Variants in CDC73 observed in about 807,000 individuals in gnomAD.
CDC73 encodes the protein cell division cycle 73.
CDC73 carries 21 observed loss-of-function variants against 83.7 expected under a neutral mutation model. The ratio of observed to expected loss-of-function variants is 0.25; its 90% confidence interval spans 0.18 to 0.36. CDC73 has a LOEUF of 0.36. CDC73 is among the 10% of genes least tolerant of loss of function. CDC73 has a pLI of 1.00. For missense variants in CDC73, 342 were observed against 653.3 expected (o/e 0.52, Z 5.19); for synonymous variants, 224 against 212.9 (o/e 1.05, Z -0.45).
At chr1:193,155,726 A>G (rs1459167815) in intron 10 of CDC73, among the ~76,000 whole-genome samples, 2 of 152,274 alleles carry the variant, frequency 1.3e-5, no homozygotes, top group African/African-American at 4.8e-5. Context: ...GCAGTGAGCC[A>G]GGATTATGCC....
chr1:193,131,306 C>G (rs1004555459), intron 3 of CDC73, among the ~76,000 whole-genome samples: 1 of 152,190 alleles, frequency 6.6e-6, no homozygotes, highest in African/African-American at 2.4e-5. Context: ...TAGGCCAGAA[C>G]TTTGGTGACA....
Position 193,122,142 on chromosome 1 carries a change from G to C in CDC73, c.-59G>C. 1 of 1,556,414 alleles carries C rather than the reference G, an allele frequency of 6.4e-7. No individual in the cohort carries two copies. The highest frequency in any genetic ancestry group is 1.1e-5 in the South Asian group (1 of 89,872). ...AGAGGGCGAGGCGACAAGAGAAGAA[G>C]GAGGCAGGCGCGGCGGCAGCGGCGG... On this transcript the variant is annotated 5_prime_UTR_variant, in exon 1 of 17. Coordinates refer to ENST00000367435, the MANE Select transcript of CDC73 (RefSeq NM_024529.5).
intron 6 of CDC73, among the ~76,000 whole-genome samples, chr1:193,138,680 T>TAA (rs1246638428): frequency 6.6e-6 from 1 of 152,088 alleles, no homozygotes; most frequent in Admixed American, 6.6e-5. Flanking sequence ...ACAGCTCACT[T>TAA]ACATTCTTTT....
At chr1:193,224,172 T>A (rs1677520532) in intron 13 of CDC73, among the ~76,000 whole-genome samples, 1 of 152,110 alleles carries the variant, frequency 6.6e-6, no homozygotes, top group Non-Finnish European at 1.5e-5. Context: ...TGGTCTCTGA[T>A]AACTACCAGA....
At chr1:193,232,238 TAAA>T (rs565086312) in intron 13 of CDC73, among the ~76,000 whole-genome samples, 1 of 145,652 alleles carries the variant, frequency 6.9e-6, no homozygotes, top group African/African-American at 2.5e-5. Flanking sequence ...CATAAAATCT[TAAA>T]AAAAAAAAAG....
chr1:193,131,632 A>G (rs189451933), intron 3 of CDC73, among the ~76,000 whole-genome samples: 1 of 152,154 alleles, frequency 6.6e-6, no homozygotes, highest in African/African-American at 2.4e-5. Context: ...ATCTTCTACC[A>G]TTCTTCCTTT....
chr1:193,137,045 A>G (rs976792867), intron 5 of CDC73, among the ~76,000 whole-genome samples: 61 of 152,172 alleles, frequency 4.0e-4, no homozygotes, highest in African/African-American at 1.2e-3. Context: ...GGTTTTCAAC[A>G]TTGGTTTTCA....
chr1:193,162,835 A>T (rs778657241), intron 10 of CDC73, among the ~76,000 whole-genome samples: 1 of 152,128 alleles, frequency 6.6e-6, no homozygotes, highest in Non-Finnish European at 1.5e-5. Context: ...TTTCTGTCTT[A>T]TGTGTGGTGC....
At chr1:193,198,926 G>A (rs547070603) in intron 10 of CDC73, among the ~76,000 whole-genome samples, 1 of 152,302 alleles carries the variant, frequency 6.6e-6, no homozygotes, top group East Asian at 1.9e-4. Flanking sequence ...TTTAGAGGTT[G>A]GGTGATGAGA....
chr1:193,145,073 C>T (rs1323885162), intron 7 of CDC73, among the ~76,000 whole-genome samples: 3 of 152,084 alleles, frequency 2.0e-5, no homozygotes, highest in Non-Finnish European at 4.4e-5. Flanking sequence ...TTTGTTGATA[C>T]TGTATAATTA....
At chr1:193,225,231 G>C (rs943837903) in intron 13 of CDC73, among the ~76,000 whole-genome samples, 2 of 137,516 alleles carry the variant, frequency 1.5e-5, no homozygotes, top group African/African-American at 5.4e-5. Flanking sequence ...TTTTATGGCT[G>C]AGTAGTATTC....
intron 11 of CDC73, among the ~76,000 whole-genome samples, chr1:193,210,031 C>T (rs964917019): frequency 2.6e-5 from 4 of 152,040 alleles, no homozygotes; most frequent in African/African-American, 9.7e-5. Flanking sequence ...CCACATGACA[C>T]TATGTAGCCA....
In CDC73 at chr1:193,192,759, G is replaced by A. The variant is rs61693513; in HGVS notation, c.973-11036G>A. ...CACGTGCCAACTAACTGGCCTTGCC[G>A]GCATTTATTCAGCACAGATTTAATG... On this transcript the variant is annotated intron_variant, in intron 10 of 16. Transcript: ENST00000367435. Among the ~76,000 whole-genome samples the A allele has an allele frequency of 3.7e-3, 569 of 152,310 alleles. 3 individuals are homozygous for A. The highest frequency in any genetic ancestry group is 0.011 in the African/African-American group (458 of 41,564).
At chr1:193,130,117 A>G (rs924888866) in intron 2 of CDC73, 57 bp from the exon 3 acceptor site, 2 of 813,548 alleles carry the variant, frequency 2.5e-6, no homozygotes, top group Non-Finnish European at 4.4e-6. Flanking sequence ...GTTAATATTT[A>G]TTAAGTTGTG....
chr1:193,164,672 C>A (rs1676404464), intron 10 of CDC73, among the ~76,000 whole-genome samples: 1 of 151,976 alleles, frequency 6.6e-6, no homozygotes, highest in South Asian at 2.1e-4. Context: ...GTTGCAAGTC[C>A]AGGGTACCTT....
At chr1:193,245,979 A>AT (rs1677946908) in intron 15 of CDC73, among the ~76,000 whole-genome samples, 1 of 151,840 alleles carries the variant, frequency 6.6e-6, no homozygotes. Context: ...ATAAAATCTG[A>AT]TTTTTTATGC....
rs540086158 is a variant in CDC73, at chr1:193,250,850, G to A, written c.*138G>A. On this transcript the variant is annotated 3_prime_UTR_variant, in exon 17 of 17. Transcript: ENST00000367435. ...TTTGTGCTTCAAGGAGATGATACCT[G>A]TCATCCATATAAGCAAACTTTTTGG... 3.9e-6 allele frequency: 3 copies of A among 771,526 alleles called. No individual in the cohort carries two copies. Among genetic ancestry groups the A allele is most frequent in the Non-Finnish European group, 6.6e-6 (3 of 451,600 alleles). 47.8% of individuals were successfully genotyped at this position (771,526 alleles called of 1,614,324 possible). A position where few individuals can be genotyped will look rare whatever the true frequency, so the allele number is the denominator to read the frequency against.
Position 193,252,367 on chromosome 1 carries a change from A to G in CDC73, c.*1655A>G, listed in dbSNP as rs573643456. On this transcript the variant is annotated 3_prime_UTR_variant, in exon 17 of 17. Transcript: ENST00000367435. Reference sequence around the variant, plus strand: ...GTGTAAACTTTCTCCATGATGAAATAGTCAAGGACCAGAATCTGTAATATT... The same window carrying G: ...GTGTAAACTTTCTCCATGATGAAATGGTCAAGGACCAGAATCTGTAATATT... 8.7e-6 allele frequency: 2 copies of G among 229,994 alleles called. No individual in the cohort carries two copies. Among genetic ancestry groups the G allele is most frequent in the South Asian group, 3.6e-4 (2 of 5,500 alleles). 14.2% of individuals were successfully genotyped at this position (229,994 alleles called of 1,614,324 possible).
intron 13 of CDC73, among the ~76,000 whole-genome samples, chr1:193,215,047 GT>G (rs1374503759): frequency 6.6e-6 from 1 of 152,186 alleles, no homozygotes; most frequent in Non-Finnish European, 1.5e-5. Context: ...TGAGAAATGT[GT>G]TTAGCACTTG....
Sources: gnomAD v4.1 joint callset for allele counts (sites outside exome capture counted in the v4.1 genomes callset) on GRCh38, gnomAD v4.1.1 for gene constraint, MANE v1.5 for transcripts, NCBI Gene and HGNC (gene_info 2026-07-23, HGNC 2026-07-21) for gene names.